The following TMIGD3 variants were observed in gnomAD, a reference collection of about 807,000 sequenced individuals.
TMIGD3 encodes the protein AD026 protein (AD026).
TMIGD3 carries 21 observed loss-of-function variants against 28.1 expected under a neutral mutation model. The observed-to-expected ratio is 0.75, with a 90% CI of 0.53 to 1.08. The LOEUF (loss-of-function observed/expected upper bound fraction) is 1.08, where lower values mean the gene tolerates loss of function less well. TMIGD3 is among the 50% of genes least tolerant of loss of function. The pLI, the probability that TMIGD3 is intolerant of heterozygous loss-of-function variation, is 0.00. For missense variants in TMIGD3, 416 were observed against 435.6 expected (o/e 0.96, Z 0.40); for synonymous variants, 151 against 162.1 (o/e 0.93, Z 0.52).
chr1:111,548,706 T>C (rs1037990092), intron 1 of TMIGD3, among the ~76,000 whole-genome samples: 3 of 152,244 alleles, frequency 2.0e-5, no homozygotes, highest in African/African-American at 7.2e-5. Flanking sequence ...AGGCTTCATA[T>C]TCAATATCAT....
chr1:111,509,540 G>A (rs541603890), intron 1 of TMIGD3, among the ~76,000 whole-genome samples: 8 of 152,210 alleles, frequency 5.3e-5, no homozygotes, highest in African/African-American at 1.9e-4. Context: ...ATGAGTTCTG[G>A]ATATACCAAC....
chr1:111,510,104 C>A (rs955193481), intron 1 of TMIGD3, among the ~76,000 whole-genome samples: 1 of 152,230 alleles, frequency 6.6e-6, no homozygotes, highest in Non-Finnish European at 1.5e-5. Flanking sequence ...ATATTGAAGG[C>A]TGTGCATTCT....
intron 1 of TMIGD3, among the ~76,000 whole-genome samples, chr1:111,525,552 T>C (rs4838914): frequency 0.3 from 46,377 of 152,120 alleles, 7,600 homozygotes; most frequent in Non-Finnish European, 0.37. Context: ...TTATCCCATT[T>C]GTGTCTTTAT....
At chr1:111,548,986 T>G (rs554006978) in intron 1 of TMIGD3, among the ~76,000 whole-genome samples, 82 of 152,358 alleles carry the variant, frequency 5.4e-4, no homozygotes, top group African/African-American at 1.9e-3. Flanking sequence ...TGCAAAAAAT[T>G]GAAATCCATG....
chr1:111,520,251 T>A (rs745347860), intron 1 of TMIGD3, among the ~76,000 whole-genome samples: 2 of 152,224 alleles, frequency 1.3e-5, no homozygotes. Context: ...CCCATGTTAG[T>A]GAAGTCCAAA....
intron 1 of TMIGD3, among the ~76,000 whole-genome samples, chr1:111,529,794 T>C (rs1395330123): frequency 1.0e-3 from 159 of 151,724 alleles, no homozygotes; most frequent in African/African-American, 3.2e-3. Flanking sequence ...GGCAACCATC[T>C]GATTTCTCAA....
intron 1 of TMIGD3, among the ~76,000 whole-genome samples, chr1:111,541,124 C>A (rs1656808329): frequency 2.6e-5 from 4 of 152,136 alleles, no homozygotes; most frequent in Admixed American, 2.0e-4. Flanking sequence ...TATGAATGAA[C>A]GTGGCTATGT....
chr1:111,491,499 G>A lies in TMIGD3; in HGVS notation c.351-737C>T, dbSNP rs1571402575. Among the ~76,000 whole-genome samples, 3 of 152,340 alleles carry A rather than the reference G, an allele frequency of 2.0e-5. No individual in the cohort carries two copies. The South Asian group carries it at 6.2e-4, about 32-fold the overall frequency. ...GCTGGGTGCTACTTATCACATCCCA[G>A]AGCCAGCACATCCCATCAAGGGTCA... On this transcript the variant is annotated intron_variant, in intron 1 of 5. Coordinates refer to ENST00000369716, the MANE Select transcript of TMIGD3 (RefSeq NM_020683.7).
At chr1:111,534,563 A>G (rs1307855100) in intron 1 of TMIGD3, among the ~76,000 whole-genome samples, 1 of 152,144 alleles carries the variant, frequency 6.6e-6, no homozygotes, top group Non-Finnish European at 1.5e-5. Flanking sequence ...TTCTCTCCAA[A>G]CATGGTTTTC....
chr1:111,511,716 A>C (rs181483959), intron 1 of TMIGD3, among the ~76,000 whole-genome samples: 1 of 126,602 alleles, frequency 7.9e-6, no homozygotes, highest in Non-Finnish European at 1.7e-5. Flanking sequence ...TGCTCTTTCC[A>C]TCCTCTCTGT....
At chr1:111,511,175 T>G (rs1448623742) in intron 1 of TMIGD3, among the ~76,000 whole-genome samples, 1 of 152,226 alleles carries the variant, frequency 6.6e-6, no homozygotes, top group East Asian at 1.9e-4. Context: ...CTTGGAGCAC[T>G]TACTACACTA....
intron 1 of TMIGD3, among the ~76,000 whole-genome samples, chr1:111,550,877 G>A (rs942076202): frequency 6.6e-6 from 1 of 151,620 alleles, no homozygotes; most frequent in Admixed American, 6.6e-5. Flanking sequence ...TTTGTGGCCT[G>A]TCTTATAGTT....
intron 5 of TMIGD3, 30 bp downstream of exon 5, chr1:111,485,710 C>A: frequency 1.1e-6 from 1 of 910,778 alleles, no homozygotes; most frequent in South Asian, 1.4e-5. Flanking sequence ...TAATTCTTGC[C>A]CACCCCCTCC....
At chr1:111,518,207 G>C (rs1181784875) in intron 1 of TMIGD3, among the ~76,000 whole-genome samples, 3 of 152,204 alleles carry the variant, frequency 2.0e-5, no homozygotes, top group African/African-American at 4.8e-5. Context: ...GACATGGATG[G>C]TCTTGATTTC....
intron 1 of TMIGD3, among the ~76,000 whole-genome samples, chr1:111,552,943 A>C (rs745559201): frequency 3.3e-5 from 5 of 152,232 alleles, no homozygotes; most frequent in Non-Finnish European, 7.3e-5. Flanking sequence ...TTAAAGCTAA[A>C]TTTATTAAGA....
intron 1 of TMIGD3, among the ~76,000 whole-genome samples, chr1:111,522,808 G>A (rs547472331): frequency 2.0e-5 from 3 of 152,052 alleles, no homozygotes; most frequent in East Asian, 1.9e-4. Context: ...GAGCCACCAC[G>A]CCTGGCTGGT....
At chr1:111,483,808 C>A in intron 5 of TMIGD3, 51 bp from the exon 6 acceptor site, 1 of 1,462,254 alleles carries the variant, frequency 6.8e-7, no homozygotes, top group Non-Finnish European at 9.6e-7. Context: ...ATTGCCTACC[C>A]CTGAAGAGTG....
chr1:111,489,023 A>C lies in TMIGD3; in HGVS notation c.459T>G (p.Asp153Glu), dbSNP rs780665195. The C allele has an allele frequency of 6.2e-7, 1 of 1,606,548 alleles. No homozygotes were observed. Among genetic ancestry groups the C allele is most frequent in the Admixed American group, 1.7e-5 (1 of 59,780 alleles). Residue 153 changes from aspartate to glutamate, a missense_variant and splice_region_variant, in exon 3 of 6, where the codon GAT becomes GAG. Physicochemically the swap from Asp to Glu is conservative, Grantham distance 45. Transcript: ENST00000369716. The stretch of plus-strand genomic sequence containing the variant: ...TGACCTTTTCATCCATGACCATGGC[A>C]TCTGTGAAAACACACACACACACGC... ...FILLSLALIS[D>E]AMVMDEKVKR...
intron 1 of TMIGD3, among the ~76,000 whole-genome samples, chr1:111,520,277 A>G (rs917813889): frequency 3.3e-5 from 5 of 152,248 alleles, no homozygotes; most frequent in African/African-American, 1.2e-4. Context: ...TGACAACCTT[A>G]GTACATGTGC....
Sources: gnomAD v4.1 joint callset for allele counts (sites outside exome capture counted in the v4.1 genomes callset) on GRCh38, gnomAD v4.1.1 for gene constraint, MANE v1.5 for transcripts, NCBI Gene and HGNC (gene_info 2026-07-23, HGNC 2026-07-21) for gene names.